OR2AG1: variants seen among roughly 807,000 people sequenced by gnomAD.
OR2AG1 encodes olfactory receptor family 2 subfamily AG member 1.
For missense variants in OR2AG1, 391 were observed against 385.9 expected, an observed-to-expected ratio of 1.01 and a Z score of -0.11; for synonymous variants, 157 against 155.6, an observed-to-expected ratio of 1.01 and a Z score of -0.07.
chr11:6,790,645 C>T lies in OR2AG1; in HGVS notation c.*4657C>T, dbSNP rs992200400. ...TCATTTGAAAACATTTCTAAAGCTG[C>T]TTTGTCTTCATTATAGGAATGTAAA... On this transcript the variant is annotated 3_prime_UTR_variant, in exon 2 of 2. Coordinates refer to ENST00000641258, the MANE Select transcript of OR2AG1 (RefSeq NM_001004489.3). 9.2e-5 allele frequency: 14 copies of T among 152,160 alleles called. No homozygotes were observed. Among genetic ancestry groups the T allele is most frequent in the Admixed American group, 5.9e-4 (9 of 15,276 alleles). The allele number at this position is 152,160 out of a possible 1,614,324, so 9.4% of individuals were successfully genotyped here.
rs767763477 is a variant in OR2AG1, at chr11:6,784,995, A to G, written c.-20-23A>G. 2.2e-5 allele frequency: 29 copies of G among 1,296,906 alleles called. 1 individual carries two copies. The South Asian group carries it at 4.0e-4, about 18-fold the overall frequency. The allele number at this position is 1,296,906 out of a possible 1,614,324, so 80.3% of individuals were successfully genotyped here. A position where few individuals can be genotyped will look rare whatever the true frequency, so the allele number is the denominator to read the frequency against. ...CTAGAGTTCATCTTAGCAAAAATTC[A>G]TGAAGTATCCATCTTGTTCTAGGTG... On this transcript the variant is annotated intron_variant, in intron 1 of 1. Transcript: ENST00000641258.
rs1035459910 is a variant in OR2AG1, at chr11:6,789,447, T to C, written c.*3459T>C. The C allele has an allele frequency of 3.3e-5, 5 of 152,212 alleles. No homozygotes were observed. Among genetic ancestry groups the C allele is most frequent in the South Asian group, 2.1e-4 (1 of 4,828 alleles). The allele number at this position is 152,212 out of a possible 1,614,324, so 9.4% of individuals were successfully genotyped here. ...CTTACATAGATTTAAGTTCTGTCCATATGCTTTTGAGTCCCAAAGACCTCA... is the reference window on the plus strand; with the variant it reads ...CTTACATAGATTTAAGTTCTGTCCACATGCTTTTGAGTCCCAAAGACCTCA... On this transcript the variant is annotated 3_prime_UTR_variant, in exon 2 of 2. Transcript: ENST00000641258.
Position 6,785,463 on chromosome 11 carries a change from G to A in OR2AG1, c.426G>A (p.Trp142Ter), listed in dbSNP as rs377272696. 3.1e-6 allele frequency: 5 copies of A among 1,613,960 alleles called. No homozygotes were observed. The African/African-American group carries it at 6.7e-5, about 22-fold the overall frequency. Reference protein sequence around the residue: ...YMTLMSSRACWLMVATSWILA... With the variant: ...YMTLMSSRAC ...CCCTCATGAGCTCAAGAGCCTGCTG[G>A]CTCATGGTGGCCACGTCCTGGATCC... Residue 142 changes from tryptophan to a stop codon, truncating the protein, a stop_gained, in exon 2 of 2, where the codon TGG becomes TGA. Transcript: ENST00000641258. LOFTEE classifies it low-confidence loss of function (END_TRUNC).
chr11:6,785,853 C>T lies in OR2AG1; in HGVS notation c.816C>T (p.Asn272=). The T allele has an allele frequency of 1.2e-6, 2 of 1,614,166 alleles. No individual in the cohort carries two copies. The highest frequency in any genetic ancestry group is 2.2e-5 in the East Asian group (1 of 44,886). Residue 272 remains asparagine (N), a synonymous_variant, in exon 2 of 2, where the codon AAC becomes AAT. Coordinates refer to ENST00000641258, the MANE Select transcript of OR2AG1 (RefSeq NM_001004489.3). Reference sequence around the variant, plus strand: ...CCTTCCACAGCACCAGACAAGACAACATCATCTCTGTTTTCTACACAATTG... The same window carrying T: ...CCTTCCACAGCACCAGACAAGACAATATCATCTCTGTTTTCTACACAATTG... ...PSSFHSTRQD[N]IISVFYTIVT...
rs963747704 is a variant in OR2AG1, at chr11:6,787,415, A to C, written c.*1427A>C. The stretch of plus-strand genomic sequence containing the variant: ...CTGCAAGTTTGCAAAGTGTAAGTTG[A>C]CATTAACAATAAGACCTACTTTGTA... On this transcript the variant is annotated 3_prime_UTR_variant, in exon 2 of 2. Coordinates refer to ENST00000641258, the MANE Select transcript of OR2AG1 (RefSeq NM_001004489.3). 6.6e-6 allele frequency: 1 copy of C among 152,186 alleles called. No individual in the cohort carries two copies. The highest frequency in any genetic ancestry group is 1.5e-5 in the Non-Finnish European group (1 of 68,020). 9.4% of individuals were successfully genotyped at this position (152,186 alleles called of 1,614,324 possible). A position where few individuals can be genotyped will look rare whatever the true frequency, so the allele number is the denominator to read the frequency against.
intron 1 of OR2AG1, among the ~76,000 whole-genome samples, chr11:6,784,516 C>T (rs2133026590): frequency 6.6e-6 from 1 of 152,272 alleles, no homozygotes; most frequent in South Asian, 2.1e-4. Flanking sequence ...CAAGTTTTAG[C>T]CTACTAATGA....
chr11:6,784,898 A>C (rs930531082), intron 1 of OR2AG1, 120 bp from the exon 2 acceptor site: 1 of 569,056 alleles, frequency 1.8e-6, no homozygotes, highest in African/African-American at 1.9e-5. Context: ...ATCGAGAGGC[A>C]AAGTCAGTTA....
rs1483955636 is a variant in OR2AG1 at position 6,785,357 on chromosome 11, TG to T, written c.323del (p.Gly108ValfsTer23). 3 of 1,614,058 alleles carry T rather than the reference TG, an allele frequency of 1.9e-6. No individual in the cohort carries two copies. The African/African-American group carries it at 4.0e-5, about 22-fold the overall frequency. Reference sequence around the variant, plus strand: ...CTTCAGATGTTCCTGGCACTGACAATGGGTGGTGCTGAGGACCTCCTACTGG... The same window carrying T: ...CTTCAGATGTTCCTGGCACTGACAATGGTGGTGCTGAGGACCTCCTACTGG... Reference protein sequence around the residue: ...CALQMFLALTMGGAEDLLLAF... With the variant: ...CALQMFLALTXGGAEDLLLAF... On this transcript the variant is annotated frameshift_variant, in exon 2 of 2. Coordinates refer to ENST00000641258, the MANE Select transcript of OR2AG1 (RefSeq NM_001004489.3). LOFTEE classifies it low-confidence loss of function (END_TRUNC).
rs1329991250 is a variant in OR2AG1 at position 6,785,786 on chromosome 11, T to G, written c.749T>G (p.Met250Arg). 1 of 1,614,048 alleles carries G rather than the reference T, an allele frequency of 6.2e-7. No homozygotes were observed. The highest frequency in any genetic ancestry group is 8.5e-7 in the Non-Finnish European group (1 of 1,180,028). The change falls in exon 2 of 2, where the codon ATG becomes AGG. Residue 250 changes from methionine (M) to arginine (R), a missense_variant. Transcript: ENST00000641258. The part of the protein sequence containing the change: ...TCSSHLTVVG[M>R]FYGAATFMYV... Reference sequence around the variant, plus strand: ...TCTTCCCACCTGACTGTGGTTGGGATGTTCTATGGAGCTGCCACATTCATG... The same window carrying G: ...TCTTCCCACCTGACTGTGGTTGGGAGGTTCTATGGAGCTGCCACATTCATG...
rs1847666873 is a variant in OR2AG1, at chr11:6,789,603, A to T, written c.*3615A>T. 6.5e-6 allele frequency: 1 copy of T among 153,562 alleles called. No homozygotes were observed. Among genetic ancestry groups the T allele is most frequent in the Admixed American group, 6.5e-5 (1 of 15,306 alleles). 9.5% of individuals were successfully genotyped at this position (153,562 alleles called of 1,614,324 possible). A position where few individuals can be genotyped will look rare whatever the true frequency, so the allele number is the denominator to read the frequency against. ...GAGGAGGAGGTTGCAGTGAGGCAAG[A>T]TCGCGCCATTGCACTCCAGCTTGGG... On this transcript the variant is annotated 3_prime_UTR_variant, in exon 2 of 2. Transcript: ENST00000641258.
Position 6,785,975 on chromosome 11 carries a change from A to G in OR2AG1, c.938A>G (p.His313Arg). The G allele has an allele frequency of 6.2e-7, 1 of 1,611,348 alleles. No individual in the cohort carries two copies. The highest frequency in any genetic ancestry group is 8.5e-7 in the Non-Finnish European group (1 of 1,178,312). Residue 313 changes from histidine to arginine, a missense_variant, in exon 2 of 2, where the codon CAC becomes CGC. Coordinates refer to ENST00000641258, the MANE Select transcript of OR2AG1 (RefSeq NM_001004489.3). Reference sequence around the variant, plus strand: ...CTGGGAAAATACATGCTGCCAGCACACTCCACGCTCTAGGGAAGGATCATG... The same window carrying G: ...CTGGGAAAATACATGCTGCCAGCACGCTCCACGCTCTAGGGAAGGATCATG... ...RVLGKYMLPA[H>R]STL
At position 6,785,546 on chromosome 11, in the gene OR2AG1, G is replaced by C. The variant is rs777861741; in HGVS notation, c.509G>C (p.Arg170Thr). 16 of 1,614,182 alleles carry C rather than the reference G, an allele frequency of 9.9e-6. No individual in the cohort carries two copies. Among genetic ancestry groups the C allele is most frequent in the Admixed American group, 1.7e-5 (1 of 60,022 alleles). The change falls in exon 2 of 2, where the codon AGG becomes ACG. Residue 170 changes from arginine to threonine, a missense_variant. Arg to Thr is a moderately conservative substitution (Grantham distance 71). Coordinates refer to ENST00000641258, the MANE Select transcript of OR2AG1 (RefSeq NM_001004489.3). ...TVYTMHYPFC[R>T]AQEIRHLLCE... is the part of the protein sequence containing the mutation. ...TATACCATGCACTATCCCTTCTGCA[G>C]GGCCCAGGAGATCAGGCATCTTCTC... is the stretch of plus-strand genomic sequence containing the variant.
intron 1 of OR2AG1, among the ~76,000 whole-genome samples, chr11:6,783,862 T>C (rs1847596733): frequency 6.6e-6 from 1 of 152,376 alleles, no homozygotes; most frequent in East Asian, 1.9e-4. Flanking sequence ...AAGGTACTAA[T>C]GGCCCCATAA....
At position 6,785,827 on chromosome 11, in the gene OR2AG1, T is replaced by C. The variant is rs778617306; in HGVS notation, c.790T>C (p.Ser264Pro). ...AATFMYVLPS[S>P]FHSTRQDNII... is the part of the protein sequence containing the mutation. ...CACATTCATGTATGTCTTGCCCAGTTCCTTCCACAGCACCAGACAAGACAA... is the reference window on the plus strand; with the variant it reads ...CACATTCATGTATGTCTTGCCCAGTCCCTTCCACAGCACCAGACAAGACAA... The change falls in exon 2 of 2, where the codon TCC becomes CCC. Residue 264 changes from serine (S) to proline (P), a missense_variant. Ser to Pro is a moderately conservative substitution (Grantham distance 74). Transcript: ENST00000641258. The C allele has an allele frequency of 3.7e-6, 6 of 1,614,052 alleles. No homozygotes were observed. The highest frequency in any genetic ancestry group is 3.4e-6 in the Non-Finnish European group (4 of 1,180,028).
rs1345258716 is a variant in OR2AG1 at position 6,790,635 on chromosome 11, T to C, written c.*4647T>C. ...ACATAAAAAATCATTTGAAAACATT[T>C]CTAAAGCTGCTTTGTCTTCATTATA... On this transcript the variant is annotated 3_prime_UTR_variant, in exon 2 of 2. Transcript: ENST00000641258. 4 of 152,252 alleles carry C rather than the reference T, an allele frequency of 2.6e-5. No homozygotes were observed. The highest frequency in any genetic ancestry group is 4.8e-5 in the African/African-American group (2 of 41,468). The allele number at this position is 152,252 out of a possible 1,614,324, so 9.4% of individuals were successfully genotyped here. A position where few individuals can be genotyped will look rare whatever the true frequency, so the allele number is the denominator to read the frequency against.
chr11:6,784,948 A>G (rs1460200569), intron 1 of OR2AG1, 70 bp from the exon 2 acceptor site: 3 of 776,210 alleles, frequency 3.9e-6, no homozygotes, highest in African/African-American at 1.7e-5. Flanking sequence ...TCATGTCCTA[A>G]GAAGCCTCTG....
rs964776684 is a variant in OR2AG1, at chr11:6,789,165, A to T, written c.*3177A>T. 2.0e-5 allele frequency: 3 copies of T among 152,080 alleles called. No individual in the cohort carries two copies. The highest frequency in any genetic ancestry group is 7.2e-5 in the African/African-American group (3 of 41,410). 9.4% of individuals were successfully genotyped at this position (152,080 alleles called of 1,614,324 possible). A position where few individuals can be genotyped will look rare whatever the true frequency, so the allele number is the denominator to read the frequency against. ...TGTGAAAATTATCATTAATGTGCTA[A>T]ATAAAATGTCTACCTCCATATTCTC... On this transcript the variant is annotated 3_prime_UTR_variant, in exon 2 of 2. Coordinates refer to ENST00000641258, the MANE Select transcript of OR2AG1 (RefSeq NM_001004489.3).
chr11:6,783,646 C>T (rs1360186880), intron 1 of OR2AG1, among the ~76,000 whole-genome samples, 175 bp downstream of exon 1: 5 of 152,120 alleles, frequency 3.3e-5, no homozygotes, highest in Admixed American at 6.5e-5. Flanking sequence ...TTTCTGAACC[C>T]GAAAAGAGAA....
At chr11:6,784,469 A>T (rs1357845966) in intron 1 of OR2AG1, among the ~76,000 whole-genome samples, 1 of 152,210 alleles carries the variant, frequency 6.6e-6, no homozygotes, top group East Asian at 1.9e-4. Context: ...CTTCTGTAGA[A>T]CGTGGGGCTG....
Sources: gnomAD v4.1 joint callset for allele counts (sites outside exome capture counted in the v4.1 genomes callset) on GRCh38, gnomAD v4.1.1 for gene constraint, MANE v1.5 for transcripts, NCBI Gene and HGNC (gene_info 2026-07-23, HGNC 2026-07-21) for gene names.